The following CDKN2B-AS1 variants were observed in gnomAD, a reference collection of about 807,000 sequenced individuals.
CDKN2B-AS1 encodes the protein CDKN2B antisense RNA 1 (non-protein coding).
rs576121499 is a variant in CDKN2B-AS1, at chr9:22,045,169, G to A, written n.30-1582G>A. On this transcript the variant is annotated intron_variant and non_coding_transcript_variant, in intron 1 of 4. Transcript: ENST00000650946. ...GAGGATAAAGGAAAAATAGGAGAAG[G>A]GGAAATATGAGTATCATGATAAGGT... is the stretch of plus-strand genomic sequence containing the variant. Among the ~76,000 whole-genome samples the A allele has an allele frequency of 1.2e-3, 184 of 151,570 alleles. 1 individual carries two copies. The highest frequency in any genetic ancestry group is 4.4e-3 in the African/African-American group (183 of 41,332).
intron 1 of CDKN2B-AS1, among the ~76,000 whole-genome samples, chr9:22,042,911 A>T (rs1005800355): frequency 6.6e-6 from 1 of 152,090 alleles, no homozygotes; most frequent in Non-Finnish European, 1.5e-5. Flanking sequence ...ATGTGTTTTC[A>T]TGACTATGAA....
chr9:22,124,974 C>T (rs531227399), intron 4 of CDKN2B-AS1, among the ~76,000 whole-genome samples: 1 of 152,378 alleles, frequency 6.6e-6, no homozygotes, highest in East Asian at 1.9e-4. Context: ...TTAAACTCTT[C>T]ACTGAAAATA....
At chr9:22,111,537 GA>G (rs1328438870) in intron 4 of CDKN2B-AS1, among the ~76,000 whole-genome samples, 5 of 151,898 alleles carry the variant, frequency 3.3e-5, no homozygotes, top group Admixed American at 3.3e-4. Context: ...TCTTACAAGT[GA>G]TCAGATGTCA....
At chr9:22,047,738 C>A (rs1410320956) in intron 2 of CDKN2B-AS1, among the ~76,000 whole-genome samples, 1 of 151,922 alleles carries the variant, frequency 6.6e-6, no homozygotes, top group Non-Finnish European at 1.5e-5. Context: ...GGAGGTTTTG[C>A]AATCCAGCTT....
At chr9:22,017,904 A>T (rs1017373401) in intron 1 of CDKN2B-AS1, among the ~76,000 whole-genome samples, 3 of 151,920 alleles carry the variant, frequency 2.0e-5, no homozygotes, top group Non-Finnish European at 2.9e-5. Flanking sequence ...ATAATTGTGA[A>T]ATTTGTGTAT....
At chr9:22,036,440 A>G (rs1295767673) in intron 1 of CDKN2B-AS1, among the ~76,000 whole-genome samples, 1 of 152,148 alleles carries the variant, frequency 6.6e-6, no homozygotes, top group Non-Finnish European at 1.5e-5. Context: ...TTCTAGAGGT[A>G]TAACAACAGT....
chr9:22,012,511 C>T, intron 1 of CDKN2B-AS1: 1 of 656,008 alleles, frequency 1.5e-6, no homozygotes. Flanking sequence ...GCCACACCAA[C>T]AACCTGCACC....
Position 22,001,064 on chromosome 9 carries a change from G to A in CDKN2B-AS1, n.29+5903G>A, listed in dbSNP as rs1820898742. Reference sequence around the variant, plus strand: ...TGGAAGAATTTGTGCATAGATAGACGGCAGATGGGAATTCGTTTAAAATGG... The same window carrying A: ...TGGAAGAATTTGTGCATAGATAGACAGCAGATGGGAATTCGTTTAAAATGG... On this transcript the variant is annotated intron_variant and non_coding_transcript_variant, in intron 1 of 4. Coordinates refer to ENST00000650946, the Ensembl canonical transcript of CDKN2B-AS1. This position sits in a 1 kb window ranked among gnomAD's most constrained non-coding sequence, Gnocchi z 4.2. Among the ~76,000 whole-genome samples, 1 of 152,064 alleles carries A rather than the reference G, an allele frequency of 6.6e-6. No individual in the cohort carries two copies. The highest frequency in any genetic ancestry group is 2.4e-5 in the African/African-American group (1 of 41,390).
chr9:22,063,723 G>C (rs781124207), intron 4 of CDKN2B-AS1, among the ~76,000 whole-genome samples: 2 of 152,170 alleles, frequency 1.3e-5, no homozygotes, highest in East Asian at 1.9e-4. Context: ...AACTTCAACT[G>C]TCTGTTTTGG....
At chr9:22,084,097 A>C (rs1271411223) in intron 4 of CDKN2B-AS1, among the ~76,000 whole-genome samples, 1 of 152,132 alleles carries the variant, frequency 6.6e-6, no homozygotes, top group Non-Finnish European at 1.5e-5. Flanking sequence ...ATTTCATTGG[A>C]TTCACACCAA....
chr9:22,102,685 A>G (rs930766319), intron 4 of CDKN2B-AS1, among the ~76,000 whole-genome samples: 1 of 152,182 alleles, frequency 6.6e-6, no homozygotes, highest in African/African-American at 2.4e-5. Flanking sequence ...AAACCCAAAA[A>G]CAATCTAAAA....
intron 1 of CDKN2B-AS1, among the ~76,000 whole-genome samples, chr9:22,038,711 A>G (rs1224623968): frequency 2.0e-5 from 3 of 152,082 alleles, no homozygotes; most frequent in Non-Finnish European, 4.4e-5. Context: ...ATAATAGGTT[A>G]ATGATAGAGA....
rs183405138 is a variant in CDKN2B-AS1, at chr9:22,098,151, C to G, written n.439-28952C>G. Among the ~76,000 whole-genome samples, 616 of 140,430 alleles carry G rather than the reference C, an allele frequency of 4.4e-3. 6 individuals are homozygous for G. The highest frequency in any genetic ancestry group is 0.019 in the African/African-American group (578 of 31,012). The allele number at this position is 140,430 out of a possible 152,430, so 92.1% of individuals were successfully genotyped here. ...ATGTAGATGGAATATCTTTCTCTCTCTGTCTCTGTGTGTGTGTGTGTGTGT... is the reference window on the plus strand; with the variant it reads ...ATGTAGATGGAATATCTTTCTCTCTGTGTCTCTGTGTGTGTGTGTGTGTGT... On this transcript the variant is annotated intron_variant and non_coding_transcript_variant, in intron 4 of 4. Coordinates refer to ENST00000650946, the Ensembl canonical transcript of CDKN2B-AS1.
chr9:22,115,288 G>A (rs1426444689), intron 4 of CDKN2B-AS1, among the ~76,000 whole-genome samples: 1 of 152,108 alleles, frequency 6.6e-6, no homozygotes. Context: ...AGGGAAGACT[G>A]GGGAAGGTGT....
At chr9:22,078,210 C>A (rs1824569116) in intron 4 of CDKN2B-AS1, among the ~76,000 whole-genome samples, 1 of 152,102 alleles carries the variant, frequency 6.6e-6, no homozygotes, top group African/African-American at 2.4e-5. Context: ...TTGATCTAGA[C>A]TAGATGCTAT....
At chr9:22,107,886 G>GTT (rs1825701703) in intron 4 of CDKN2B-AS1, among the ~76,000 whole-genome samples, 1 of 152,184 alleles carries the variant, frequency 6.6e-6, no homozygotes. Flanking sequence ...GAATGTATTA[G>GTT]GTAAGGCATT....
At chr9:22,093,474 T>C (rs1825167179) in intron 4 of CDKN2B-AS1, among the ~76,000 whole-genome samples, 1 of 121,246 alleles carries the variant, frequency 8.2e-6, no homozygotes, top group Non-Finnish European at 1.6e-5. Flanking sequence ...TGTAGGTTTC[T>C]AAGGACTTGC....
At chr9:22,105,688 T>C (rs895764850) in intron 4 of CDKN2B-AS1, among the ~76,000 whole-genome samples, 3 of 152,162 alleles carry the variant, frequency 2.0e-5, no homozygotes, top group Non-Finnish European at 4.4e-5. Context: ...CCAGGTTCAG[T>C]AGGGAGCATA....
At chr9:22,022,908 AT>A (rs1264752165) in intron 1 of CDKN2B-AS1, among the ~76,000 whole-genome samples, 2 of 152,186 alleles carry the variant, frequency 1.3e-5, no homozygotes, top group Non-Finnish European at 2.9e-5. Context: ...CAGATATAAA[AT>A]TCTGGGTTGG....
Sources: allele counts gnomAD v4.1 joint callset (sites outside exome capture counted in the v4.1 genomes callset), GRCh38; gene constraint gnomAD v4.1.1; non-coding constraint Gnocchi (gnomAD v3.1); transcripts MANE v1.5; gene names NCBI Gene and HGNC (gene_info 2026-07-23, HGNC 2026-07-21).